The following FBXO32 variants were observed in gnomAD, a reference collection of about 807,000 sequenced individuals.
FBXO32 encodes F-box only protein 32.
A neutral mutation model predicts 48.3 loss-of-function variants in FBXO32; 15 were observed. The observed-to-expected ratio is 0.31, with a 90% CI of 0.21 to 0.48. The LOEUF (loss-of-function observed/expected upper bound fraction) is 0.48. Ranked by LOEUF, FBXO32 falls within the 20% of genes least tolerant of loss-of-function variation. The pLI is 0.99. For missense variants in FBXO32, 309 were observed against 432.7 expected, an observed-to-expected ratio of 0.71 and a Z score of 2.54; for synonymous variants, 154 against 165.9, an observed-to-expected ratio of 0.93 and a Z score of 0.55.
intron 6 of FBXO32, among the ~76,000 whole-genome samples, chr8:123,507,751 T>C (rs1816658785): frequency 6.6e-6 from 1 of 152,136 alleles, no homozygotes; most frequent in Non-Finnish European, 1.5e-5. Flanking sequence ...TCTAATTTTA[T>C]GTCCCTTGTA....
chr8:123,520,477 C>T (rs142988342), intron 4 of FBXO32, among the ~76,000 whole-genome samples: 17 of 152,212 alleles, frequency 1.1e-4, no homozygotes, highest in Non-Finnish European at 2.1e-4. Flanking sequence ...TGGTGGTCAC[C>T]GCATGCTGAA....
In FBXO32 at chr8:123,506,601, G is replaced by A. The variant is rs1294464210; in HGVS notation, c.652-27C>T. The A allele has an allele frequency of 3.9e-6, 6 of 1,552,360 alleles. No homozygotes were observed. Among genetic ancestry groups the A allele is most frequent in the Non-Finnish European group, 5.3e-6 (6 of 1,142,768 alleles). Reference sequence around the variant, plus strand: ...TGCAGAGAGAAGGGTGACAATAGGTGGGGGGGCCAGAGAGCAGCGATTCAC... The same window carrying A: ...TGCAGAGAGAAGGGTGACAATAGGTAGGGGGGCCAGAGAGCAGCGATTCAC... On this transcript the variant is annotated intron_variant, in intron 6 of 8. Transcript: ENST00000517956. The surrounding 1 kb of genome is among the most constrained non-coding windows in gnomAD (Gnocchi z 4.0).
At chr8:123,533,773 A>T (rs143282276) in intron 2 of FBXO32, among the ~76,000 whole-genome samples, 191 of 151,760 alleles carry the variant, frequency 1.3e-3, no homozygotes, top group Non-Finnish European at 2.2e-3. Flanking sequence ...GTGCCACTGC[A>T]CTCCAGCCTG....
At chr8:123,533,296 A>C (rs145550221) in intron 2 of FBXO32, 56 bp from the exon 3 acceptor site, 141 of 1,370,696 alleles carry the variant, frequency 1.0e-4, no homozygotes, top group Non-Finnish European at 5.4e-5. Context: ...TCAAGATTTA[A>C]GACATTTCAT....
chr8:123,516,136 C>T (rs1384951493), intron 4 of FBXO32, among the ~76,000 whole-genome samples: 1 of 152,192 alleles, frequency 6.6e-6, no homozygotes, highest in Non-Finnish European at 1.5e-5. Flanking sequence ...AGCCACTCCA[C>T]AACTAGTGAG....
intron 6 of FBXO32, among the ~76,000 whole-genome samples, chr8:123,508,655 G>A (rs1220406833): frequency 6.6e-6 from 1 of 152,130 alleles, no homozygotes; most frequent in African/African-American, 2.4e-5. Flanking sequence ...TTTGCCAACC[G>A]CAGAAGGCCC....
intron 6 of FBXO32, among the ~76,000 whole-genome samples, chr8:123,507,668 T>G (rs982054813): frequency 6.6e-6 from 1 of 152,112 alleles, no homozygotes; most frequent in African/African-American, 2.4e-5. Context: ...TATTAATATA[T>G]TTAAGCCTTT....
intron 4 of FBXO32, 89 bp downstream of exon 4, chr8:123,531,809 T>C (rs1431197558): frequency 6.6e-7 from 1 of 1,523,316 alleles, no homozygotes; most frequent in Non-Finnish European, 8.8e-7. Context: ...TAAAAAGTAA[T>C]TTTTTGGGGA....
intron 2 of FBXO32, 93 bp from the exon 3 acceptor site, chr8:123,533,333 T>C: frequency 8.8e-7 from 1 of 1,132,372 alleles, no homozygotes; most frequent in Admixed American, 2.2e-5. Flanking sequence ...TTTTAAAAGT[T>C]TTGACAAAAA....
chr8:123,512,472 G>A (rs970477827), intron 6 of FBXO32, among the ~76,000 whole-genome samples: 2 of 151,472 alleles, frequency 1.3e-5, no homozygotes, highest in African/African-American at 4.9e-5. Context: ...TACATGAGCC[G>A]CCTGAGTGTG....
chr8:123,521,431 A>G (rs369925764), intron 4 of FBXO32, among the ~76,000 whole-genome samples: 3 of 152,350 alleles, frequency 2.0e-5, no homozygotes, highest in African/African-American at 7.2e-5. Flanking sequence ...CTATATGGAG[A>G]CTAGTTCCAG....
chr8:123,532,170 G>A, intron 3 of FBXO32, 180 bp from the exon 4 acceptor site: 1 of 1,372,092 alleles, frequency 7.3e-7, no homozygotes, highest in Admixed American at 3.4e-5. Context: ...CACCAAGATG[G>A]GTAACACAGC....
chr8:123,539,006 A>C (rs138270157), intron 1 of FBXO32, among the ~76,000 whole-genome samples: 1 of 152,106 alleles, frequency 6.6e-6, no homozygotes, highest in Non-Finnish European at 1.5e-5. Flanking sequence ...ACAAATTTTA[A>C]ATTTTTATTT....
intron 8 of FBXO32, among the ~76,000 whole-genome samples, chr8:123,504,213 T>G (rs1443013538): frequency 1.3e-5 from 2 of 152,152 alleles, no homozygotes. Context: ...GATTTAATCT[T>G]GACAAATTAC....
chr8:123,517,319 C>T (rs1816858885), intron 4 of FBXO32, among the ~76,000 whole-genome samples: 1 of 152,230 alleles, frequency 6.6e-6, no homozygotes, highest in African/African-American at 2.4e-5. Flanking sequence ...ACTCTCAACA[C>T]TATGACTGTG....
At chr8:123,526,099 A>G (rs1817069893) in intron 4 of FBXO32, among the ~76,000 whole-genome samples, 1 of 152,054 alleles carries the variant, frequency 6.6e-6, no homozygotes, top group African/African-American at 2.4e-5. Flanking sequence ...TGCTTATCTC[A>G]TTTAGTCCTC....
At chr8:123,521,311 C>T (rs745545746) in intron 4 of FBXO32, among the ~76,000 whole-genome samples, 8 of 152,102 alleles carry the variant, frequency 5.3e-5, no homozygotes, top group Non-Finnish European at 7.4e-5. Flanking sequence ...CTGGAAGGGA[C>T]TCAGGAAACA....
chr8:123,539,435 G>T (rs1453081180), intron 1 of FBXO32, among the ~76,000 whole-genome samples: 2 of 152,164 alleles, frequency 1.3e-5, no homozygotes, highest in Admixed American at 6.5e-5. Context: ...GTCAATAGCA[G>T]TTGGTCTTAC....
Position 123,540,888 on chromosome 8 carries a change from G to A in FBXO32, c.116+11C>T. Reference sequence around the variant, plus strand: ...TCGCGGGGGCTGGAAGTTGGTAGCGGGTCCCCTCACCTGCTGAGGTCGCTC... The same window carrying A: ...TCGCGGGGGCTGGAAGTTGGTAGCGAGTCCCCTCACCTGCTGAGGTCGCTC... On this transcript the variant is annotated intron_variant, in intron 1 of 8. Coordinates refer to ENST00000517956, the MANE Select transcript of FBXO32 (RefSeq NM_058229.4). The surrounding 1 kb of genome is among the most constrained non-coding windows in gnomAD (Gnocchi z 6.4). 6.2e-7 allele frequency: 1 copy of A among 1,608,542 alleles called. No homozygotes were observed. The highest frequency in any genetic ancestry group is 8.5e-7 in the Non-Finnish European group (1 of 1,175,848).
Sources: allele counts gnomAD v4.1 joint callset (sites outside exome capture counted in the v4.1 genomes callset), GRCh38; gene constraint gnomAD v4.1.1; non-coding constraint Gnocchi (gnomAD v3.1); transcripts MANE v1.5; gene names NCBI Gene and HGNC (gene_info 2026-07-23, HGNC 2026-07-21).